Variants in ACACB observed in about 807,000 individuals in gnomAD.
The protein encoded by ACACB is acetyl-CoA carboxylase 2.
In ACACB, 209 loss-of-function variants were observed where a neutral mutation model predicts 278.8. The observed-to-expected ratio is 0.75, with a 90% confidence interval of 0.67 to 0.84. The LOEUF is 0.84. Ranked by LOEUF, ACACB falls within the 40% of genes least tolerant of loss-of-function variation. The probability of loss-of-function intolerance (pLI) is 0.00; values close to 1 mark genes in which losing one functional copy is unlikely to be tolerated. For synonymous variants in ACACB, 1,174 were observed against 1,285.6 expected, an observed-to-expected ratio of 0.91 and a Z score of 1.86; for missense variants, 2,850 against 3,269.0, an observed-to-expected ratio of 0.87 and a Z score of 3.13.
intron 6 of ACACB, 93 bp from the exon 7 acceptor site, chr12:109,174,039 C>G (rs567961029): frequency 1.8e-4 from 187 of 1,040,808 alleles, no homozygotes; most frequent in Non-Finnish European, 2.4e-4. Flanking sequence ...TGCTCCTTAC[C>G]TGGCCCCACC....
chr12:109,191,807 C>G, intron 14 of ACACB, 40 bp from the exon 15 acceptor site: 2 of 1,614,136 alleles, frequency 1.2e-6, no homozygotes, highest in Non-Finnish European at 1.7e-6. Flanking sequence ...ATGGCCGAGA[C>G]CTCGGCTTCC....
At chr12:109,262,615 A>G in intron 49 of ACACB, 146 bp downstream of exon 49, 1 of 592,032 alleles carries the variant, frequency 1.7e-6, no homozygotes, top group Non-Finnish European at 3.0e-6. Context: ...AGATATTCAC[A>G]TTTGTCTGTT....
intron 2 of ACACB, among the ~76,000 whole-genome samples, chr12:109,147,560 C>G (rs928022472): frequency 6.6e-6 from 1 of 151,972 alleles, no homozygotes; most frequent in African/African-American, 2.4e-5. Context: ...AAGATTACGT[C>G]TTTTATTTTT....
At chr12:109,133,836 C>CATAT (rs71443838) in intron 1 of ACACB, among the ~76,000 whole-genome samples, 761 of 43,664 alleles carry the variant, frequency 0.017, 17 homozygotes, top group Non-Finnish European at 0.022. Flanking sequence ...AATGTGTGTG[C>CATAT]ATATATATAT....
intron 9 of ACACB, among the ~76,000 whole-genome samples, chr12:109,177,122 A>T (rs2044307216): frequency 2.0e-5 from 3 of 152,266 alleles, no homozygotes; most frequent in Admixed American, 2.0e-4. Context: ...TTCAGTCTAC[A>T]CGAAATTTTG....
chr12:109,175,638 A>G (rs1292025073), intron 7 of ACACB, among the ~76,000 whole-genome samples: 4 of 152,084 alleles, frequency 2.6e-5, no homozygotes, highest in Non-Finnish European at 4.4e-5. Context: ...GGTTGGTCTT[A>G]AAGTCCTGGG....
Position 109,179,107 on chromosome 12 carries a change from G to C in ACACB, c.1457G>C (p.Gly486Ala). 1 of 1,613,286 alleles carries C rather than the reference G, an allele frequency of 6.2e-7. No homozygotes were observed. The highest frequency in any genetic ancestry group is 8.5e-7 in the Non-Finnish European group (1 of 1,179,640). ...CGACAGGTACAGAGTGAGATCCCAG[G>C]CTCGCCCATCTTTCTCATGAAGCTG... The part of the protein sequence containing the change: ...LFRQVQSEIP[G>A]SPIFLMKLAQ... The change falls in exon 10 of 53, where the codon GGC (glycine) becomes GCC (alanine). Residue 486 changes from glycine (G) to alanine (A), a missense_variant. Coordinates refer to ENST00000338432, the MANE Select transcript of ACACB (RefSeq NM_001093.4).
chr12:109,171,013 ATTT>A (rs59371391), intron 4 of ACACB, among the ~76,000 whole-genome samples: 2 of 106,522 alleles, frequency 1.9e-5, no homozygotes, highest in Non-Finnish European at 3.6e-5. Context: ...CTTTTTTTGG[ATTT>A]TTTTTTTTTT....
intron 24 of ACACB, among the ~76,000 whole-genome samples, chr12:109,218,734 A>C (rs2046077904): frequency 6.8e-6 from 1 of 146,906 alleles, no homozygotes; most frequent in African/African-American, 2.5e-5. Context: ...GCTCACTGCA[A>C]CCTCCGCCTC....
rs1565904742 is a variant in ACACB, at chr12:109,191,665, AC to A, written c.2199del (p.Val734TrpfsTer47). 4 of 1,614,062 alleles carry A rather than the reference AC, an allele frequency of 2.5e-6. No individual in the cohort carries two copies. In the Admixed American group the frequency reaches 6.7e-5, roughly 27 times the overall value. ...GTCCATCCGAGGCGACTTTAGGACT[AC>A]CGTGGAATACCTCATTAACCTCCTG... ...ELSIRGDFRT[T>X]VEYLINLLET... On this transcript the variant is annotated frameshift_variant, in exon 14 of 53. Transcript: ENST00000338432. LOFTEE classifies it high-confidence loss of function.
chr12:109,198,285 CTT>C (rs1160339228), intron 17 of ACACB, among the ~76,000 whole-genome samples: 1 of 152,180 alleles, frequency 6.6e-6, no homozygotes, highest in East Asian at 1.9e-4. Context: ...AAGGTTAAGA[CTT>C]TGAATCAGTA....
intron 1 of ACACB, among the ~76,000 whole-genome samples, chr12:109,134,158 G>A (rs1205310306): frequency 6.6e-6 from 1 of 151,976 alleles, no homozygotes; most frequent in Non-Finnish European, 1.5e-5. Flanking sequence ...ATGACACTTG[G>A]TCTATGTCCC....
At chr12:109,230,707 G>A (rs1230432333) in intron 28 of ACACB, among the ~76,000 whole-genome samples, 2 of 152,204 alleles carry the variant, frequency 1.3e-5, no homozygotes, top group African/African-American at 4.8e-5. Flanking sequence ...TGATATTATA[G>A]GCGCGAGCCC....
Position 109,176,229 on chromosome 12 carries a change from A to G in ACACB, c.1403A>G (p.Glu468Gly). 1 of 1,614,230 alleles carries G rather than the reference A, an allele frequency of 6.2e-7. No individual in the cohort carries two copies. The highest frequency in any genetic ancestry group is 1.1e-5 in the South Asian group (1 of 91,090). Residue 468 changes from glutamate (E) to glycine (G), a missense_variant, in exon 9 of 53, where the codon GAG becomes GGG. Physicochemically the swap from Glu to Gly is moderately conservative, Grantham distance 98. Transcript: ENST00000338432. ...GGAGGGAAGGGAATCCGGAAGGCTG[A>G]GAGTGCGGAGGACTTCCCGATCCTT... ...GGGGKGIRKAESAEDFPILFR... is the reference protein window; with the variant it reads ...GGGGKGIRKAGSAEDFPILFR...
In ACACB at chr12:109,179,100, A is replaced by G. The variant is rs2044373707; in HGVS notation, c.1450A>G (p.Ile484Val). Residue 484 changes from isoleucine to valine, a missense_variant, in exon 10 of 53, where the codon ATC (isoleucine) becomes GTC (valine). By Grantham distance (29) the Ile-to-Val change is conservative. Coordinates refer to ENST00000338432, the MANE Select transcript of ACACB (RefSeq NM_001093.4). The part of the protein sequence containing the change: ...PILFRQVQSE[I>V]PGSPIFLMKL... Reference sequence around the variant, plus strand: ...CTTCCCCCGACAGGTACAGAGTGAGATCCCAGGCTCGCCCATCTTTCTCAT... The same window carrying G: ...CTTCCCCCGACAGGTACAGAGTGAGGTCCCAGGCTCGCCCATCTTTCTCAT... The G allele has an allele frequency of 6.2e-7, 1 of 1,613,016 alleles. No homozygotes were observed.
At chr12:109,187,431 T>TTTTTTTTA (rs1440100805) in intron 12 of ACACB, among the ~76,000 whole-genome samples, 1 of 146,170 alleles carries the variant, frequency 6.8e-6, no homozygotes, top group Non-Finnish European at 1.5e-5. Flanking sequence ...AACTCGCTTA[T>TTTTTTTTA]TTTATTTATT....
intron 1 of ACACB, among the ~76,000 whole-genome samples, chr12:109,129,686 C>G (rs1190346296): frequency 6.6e-6 from 1 of 152,230 alleles, no homozygotes; most frequent in East Asian, 1.9e-4. Context: ...AATGCCTGCC[C>G]CTGCAGGGCA....
Position 109,254,399 on chromosome 12 carries a change from GAGCA to G in ACACB, c.6166+66_6166+69del. On this transcript the variant is annotated intron_variant, in intron 44 of 52. Transcript: ENST00000338432. The stretch of plus-strand genomic sequence containing the variant: ...TTTCTTTCTAGGGCTTGAGACAAAG[GAGCA>G]CTTTGTCTCAAGCGCTTGAGACAAA... The G allele has an allele frequency of 2.0e-6, 3 of 1,479,484 alleles. No homozygotes were observed. In the African/African-American group the frequency reaches 5.4e-5, roughly 27 times the overall value. The allele number at this position is 1,479,484 out of a possible 1,614,324, so 91.6% of individuals were successfully genotyped here. A position where few individuals can be genotyped will look rare whatever the true frequency, so the allele number is the denominator to read the frequency against.
chr12:109,228,906 T>C (rs2046393790), intron 28 of ACACB, among the ~76,000 whole-genome samples: 1 of 152,138 alleles, frequency 6.6e-6, no homozygotes, highest in Non-Finnish European at 1.5e-5. Flanking sequence ...GTTATTACCA[T>C]CTAGTGGCAT....
Sources: allele counts gnomAD v4.1 joint callset (sites outside exome capture counted in the v4.1 genomes callset), GRCh38; gene constraint gnomAD v4.1.1; transcripts MANE v1.5; gene names NCBI Gene and HGNC (gene_info 2026-07-23, HGNC 2026-07-21).